Variants in DNAH12 observed in about 807,000 individuals in gnomAD.
DNAH12 encodes axonemal beta dynein heavy chain 12.
A neutral mutation model predicts 371.5 loss-of-function variants in DNAH12; 285 were observed. The ratio of observed to expected loss-of-function variants is 0.77; its 90% CI spans 0.70 to 0.85. DNAH12 has a LOEUF of 0.85. Ranked by LOEUF, DNAH12 falls within the 40% of genes least tolerant of loss-of-function variation. The pLI is 0.00. For missense variants in DNAH12, 3,611 were observed against 3,689.4 expected, an observed-to-expected ratio of 0.98 and a Z score of 0.55; for synonymous variants, 1,200 against 1,213.0, an observed-to-expected ratio of 0.99 and a Z score of 0.22.
intron 49 of DNAH12, among the ~76,000 whole-genome samples, 169 bp downstream of exon 49, chr3:57,384,660 T>A (rs1198576767): frequency 6.6e-6 from 1 of 151,870 alleles, no homozygotes; most frequent in South Asian, 2.1e-4. Context: ...TAAAATAAAA[T>A]AAAAACAACA....
rs377698971 is a variant in DNAH12 at position 57,471,519 on chromosome 3, G to T, written c.1864C>A (p.Arg622Ser). ...LILEIEKESR[R>S]MEEFTEFAEL... is the part of the protein sequence containing the mutation. ...GCAAATTCTGTAAACTCCTCCATGCGGCGTGATTCTTTTTCTATTTCCAAA... is the reference window on the plus strand; with the variant it reads ...GCAAATTCTGTAAACTCCTCCATGCTGCGTGATTCTTTTTCTATTTCCAAA... Residue 622 changes from arginine (R) to serine (S), a missense_variant, in exon 15 of 74, where the codon CGC becomes AGC. Arg to Ser is a moderately radical substitution (Grantham distance 110). Coordinates refer to ENST00000495027, the MANE Select transcript of DNAH12 (RefSeq NM_001366028.2). 1.9e-6 allele frequency: 3 copies of T among 1,548,466 alleles called. No homozygotes were observed. Among genetic ancestry groups the T allele is most frequent in the Non-Finnish European group, 2.6e-6 (3 of 1,146,420 alleles).
At chr3:57,322,701 G>A (rs1025158403) in intron 64 of DNAH12, among the ~76,000 whole-genome samples, 30 of 152,258 alleles carry the variant, frequency 2.0e-4, no homozygotes, top group African/African-American at 6.5e-4. Context: ...AGGCTGAGGC[G>A]GGTGGATCAC....
At chr3:57,339,203 C>T (rs1190587825) in intron 60 of DNAH12, among the ~76,000 whole-genome samples, 1 of 152,124 alleles carries the variant, frequency 6.6e-6, no homozygotes, top group African/African-American at 2.4e-5. Context: ...GTCATCACCA[C>T]TCCCTTATCT....
At position 57,483,310 on chromosome 3, in the gene DNAH12, T is replaced by A. The variant is rs557339785; in HGVS notation, c.1650+66A>T. The stretch of plus-strand genomic sequence containing the variant: ...TTTGTGTAACTATATATTTTATACA[T>A]CTTCACCATGAAAATAATATTTCAC... On this transcript the variant is annotated intron_variant, in intron 13 of 73. Coordinates refer to ENST00000495027, the MANE Select transcript of DNAH12 (RefSeq NM_001366028.2). 7.0e-5 allele frequency: 106 copies of A among 1,511,230 alleles called. No individual in the cohort carries two copies. The African/African-American group carries it at 1.4e-3, about 20-fold the overall frequency. 93.6% of individuals were successfully genotyped at this position (1,511,230 alleles called of 1,614,324 possible). A position where few individuals can be genotyped will look rare whatever the true frequency, so the allele number is the denominator to read the frequency against.
chr3:57,425,289 C>A, intron 34 of DNAH12, 148 bp from the exon 35 acceptor site: 1 of 579,122 alleles, frequency 1.7e-6, no homozygotes, highest in East Asian at 2.9e-5. Context: ...ACTCTGTCAT[C>A]CAGGCTGGAG....
At chr3:57,496,196 A>T (rs1258209290) in intron 11 of DNAH12, among the ~76,000 whole-genome samples, 1 of 151,864 alleles carries the variant, frequency 6.6e-6, no homozygotes, top group African/African-American at 2.4e-5. Context: ...CATAGCCCCA[A>T]CTGACAGCTT....
intron 65 of DNAH12, among the ~76,000 whole-genome samples, chr3:57,317,061 T>C (rs1487651909): frequency 1.3e-5 from 2 of 152,216 alleles, no homozygotes. Context: ...GGCTTATATA[T>C]TTAAACTAAC....
intron 2 of DNAH12, among the ~76,000 whole-genome samples, chr3:57,531,553 G>A (rs980928218): frequency 1.3e-5 from 2 of 151,996 alleles, no homozygotes; most frequent in African/African-American, 2.4e-5. Flanking sequence ...CTTGAGGTTA[G>A]GAGTTCGAGA....
At chr3:57,410,749 G>A (rs1553682718) in intron 39 of DNAH12, among the ~76,000 whole-genome samples, 1 of 151,890 alleles carries the variant, frequency 6.6e-6, no homozygotes, top group Non-Finnish European at 1.5e-5. Context: ...CTGGGAGGCG[G>A]AGGTTGTAGT....
Position 57,405,050 on chromosome 3 carries a change from T to C in DNAH12, c.6674A>G (p.His2225Arg). Residue 2225 changes from histidine to arginine, a missense_variant, in exon 42 of 74, where the codon CAT becomes CGT. Coordinates refer to ENST00000495027, the MANE Select transcript of DNAH12 (RefSeq NM_001366028.2). ...CTGGTCCACAACATCACTAAAATGA[T>C]GAATATTTGGAATTTCAATATAAAC... ...DRVYIEIPNI[H>R]HFSDVVDQCL... The C allele has an allele frequency of 6.5e-7, 1 of 1,547,130 alleles. No homozygotes were observed. The highest frequency in any genetic ancestry group is 8.7e-7 in the Non-Finnish European group (1 of 1,145,618).
At chr3:57,306,107 C>T (rs367985173) in intron 69 of DNAH12, among the ~76,000 whole-genome samples, 33 of 152,296 alleles carry the variant, frequency 2.2e-4, no homozygotes, top group East Asian at 9.7e-4. Context: ...TGGCCCAAGG[C>T]TCTCTGACTG....
intron 59 of DNAH12, among the ~76,000 whole-genome samples, chr3:57,353,682 G>T (rs1465718160): frequency 6.6e-6 from 1 of 151,944 alleles, no homozygotes; most frequent in African/African-American, 2.4e-5. Flanking sequence ...TAATTAACAA[G>T]CATAAAACTA....
chr3:57,415,464 T>A lies in DNAH12; in HGVS notation c.5815A>T (p.Ile1939Phe), dbSNP rs1348192057. Residue 1939 changes from isoleucine (I) to phenylalanine (F), a missense_variant, in exon 38 of 74, where the codon ATT (isoleucine) becomes TTT (phenylalanine). Coordinates refer to ENST00000495027, the MANE Select transcript of DNAH12 (RefSeq NM_001366028.2). ...LEKDQYFPFY[I>F]NLSARTSANQ... ...GCGCTGGTCCGTGCAGATAAGTTAA[T>A]ATAAAAAGGAAAGTACTGGTCCTTT... is the stretch of plus-strand genomic sequence containing the variant. 6.4e-7 allele frequency: 1 copy of A among 1,550,878 alleles called. No homozygotes were observed. Among genetic ancestry groups the A allele is most frequent in the Non-Finnish European group, 8.7e-7 (1 of 1,146,836 alleles).
intron 43 of DNAH12, among the ~76,000 whole-genome samples, chr3:57,398,394 T>G (rs1367923649): frequency 6.6e-6 from 1 of 152,068 alleles, no homozygotes; most frequent in Non-Finnish European, 1.5e-5. Context: ...TGACTGAAAA[T>G]TTCTCAAATC....
At chr3:57,431,118 T>A (rs1036592203) in intron 32 of DNAH12, among the ~76,000 whole-genome samples, 1 of 152,126 alleles carries the variant, frequency 6.6e-6, no homozygotes, top group Non-Finnish European at 1.5e-5. Flanking sequence ...TCAGCAAACA[T>A]CCTCCTAACT....
chr3:57,372,624 A>G (rs1488916663), intron 55 of DNAH12, among the ~76,000 whole-genome samples: 10 of 152,138 alleles, frequency 6.6e-5, no homozygotes, highest in African/African-American at 2.4e-4. Flanking sequence ...AATAGCATAA[A>G]ATTATTTGAA....
intron 12 of DNAH12, among the ~76,000 whole-genome samples, chr3:57,484,107 C>G (rs985655332): frequency 1.3e-5 from 2 of 151,832 alleles, no homozygotes; most frequent in African/African-American, 2.4e-5. Context: ...ACCCAGGTAA[C>G]ACTCATCTTT....
chr3:57,359,443 C>T (rs903137347), intron 58 of DNAH12, among the ~76,000 whole-genome samples: 1 of 151,260 alleles, frequency 6.6e-6, no homozygotes, highest in South Asian at 2.1e-4. Flanking sequence ...CCTGTAATCC[C>T]AGCTACTCCA....
intron 2 of DNAH12, among the ~76,000 whole-genome samples, chr3:57,537,113 G>A (rs957089863): frequency 6.6e-6 from 1 of 152,080 alleles, no homozygotes; most frequent in African/African-American, 2.4e-5. Flanking sequence ...AGGATTGCTT[G>A]AGCCAGGAAG....
Sources: gnomAD v4.1 joint callset for allele counts (sites outside exome capture counted in the v4.1 genomes callset) on GRCh38, gnomAD v4.1.1 for gene constraint, MANE v1.5 for transcripts, NCBI Gene and HGNC (gene_info 2026-07-23, HGNC 2026-07-21) for gene names.